COL22A1: variants seen among roughly 807,000 people sequenced by gnomAD.
COL22A1 encodes the protein collagen alpha-1(XXII) chain.
Under a neutral mutation model 248.9 loss-of-function variants are expected in COL22A1, and 221 were observed. The ratio of observed to expected loss-of-function variants is 0.89; its 90% CI spans 0.80 to 0.99. COL22A1 has a LOEUF of 0.99. COL22A1 is among the 50% of genes least tolerant of loss of function. The pLI is 0.00. For missense variants in COL22A1, 2,240 were observed against 2,179.0 expected (o/e 1.03, Z -0.56); for synonymous variants, 891 against 793.4 (o/e 1.12, Z -2.07).
At position 138,870,716 on chromosome 8, in the gene COL22A1, A is replaced by G. The variant is rs117712867; in HGVS notation, c.658+7034T>C. On this transcript the variant is annotated intron_variant, in intron 3 of 64. Transcript: ENST00000303045. ...GTGCATATCTATGTGGCATGTGTGT[A>G]GTATGTGTGGTGTGCATAGTGTTTG... 6.6e-4 allele frequency among the ~76,000 whole-genome samples: 100 copies of G among 150,970 alleles called. 1 individual carries two copies. In the East Asian group the frequency reaches 0.019, roughly 29 times the overall value.
intron 57 of COL22A1, among the ~76,000 whole-genome samples, chr8:138,607,259 A>T (rs1818495850): frequency 6.6e-6 from 1 of 152,210 alleles, no homozygotes; most frequent in Non-Finnish European, 1.5e-5. Flanking sequence ...CACACCTTGC[A>T]GGTGGCCTTC....
In COL22A1 at chr8:138,649,716, C is replaced by G; in HGVS notation, c.3396G>C (p.Gly1132=). ...PGLPGLPGFK[G]DKGVPGKPGR... ...CTGGCTTTCCTGGGACACCTTTGTCCCCTTTAAAACCTGGTAGACCAGGGA... is the reference window on the plus strand; with the variant it reads ...CTGGCTTTCCTGGGACACCTTTGTCGCCTTTAAAACCTGGTAGACCAGGGA... Residue 1132 remains glycine (G), a synonymous_variant, in exon 46 of 65, where the codon GGG becomes GGC. Transcript: ENST00000303045. The G allele has an allele frequency of 1.2e-6, 2 of 1,612,852 alleles. No individual in the cohort carries two copies. Among genetic ancestry groups the G allele is most frequent in the Non-Finnish European group, 1.7e-6 (2 of 1,179,468 alleles).
chr8:138,854,640 G>A (rs1821879940), intron 3 of COL22A1, among the ~76,000 whole-genome samples: 1 of 152,118 alleles, frequency 6.6e-6, no homozygotes, highest in Admixed American at 6.5e-5. Flanking sequence ...GCCCCGAGAG[G>A]AACAACAATC....
intron 54 of COL22A1, 93 bp downstream of exon 54, chr8:138,616,821 A>G: frequency 2.1e-6 from 3 of 1,450,034 alleles, no homozygotes; most frequent in Non-Finnish European, 2.9e-6. Flanking sequence ...CGGGTAAGGC[A>G]CTGCCATGGC....
intron 43 of COL22A1, among the ~76,000 whole-genome samples, chr8:138,661,063 C>G (rs1823908512): frequency 6.9e-6 from 1 of 145,814 alleles, no homozygotes; most frequent in Non-Finnish European, 1.5e-5. Context: ...CGCACACACA[C>G]CCACATACAC....
intron 16 of COL22A1, among the ~76,000 whole-genome samples, chr8:138,769,722 G>A (rs1027810005): frequency 2.6e-5 from 4 of 152,158 alleles, no homozygotes; most frequent in African/African-American, 4.8e-5. Flanking sequence ...AGCACACAGC[G>A]GGTACCCAGT....
At chr8:138,595,114 C>T (rs1380038830) in intron 62 of COL22A1, among the ~76,000 whole-genome samples, 2 of 152,104 alleles carry the variant, frequency 1.3e-5, no homozygotes, top group Non-Finnish European at 2.9e-5. Flanking sequence ...TGGGAGGCTA[C>T]CCAAGGCCCC....
At chr8:138,598,036 C>T (rs988987461) in intron 61 of COL22A1, among the ~76,000 whole-genome samples, 1 of 152,174 alleles carries the variant, frequency 6.6e-6, no homozygotes, top group African/African-American at 2.4e-5. Context: ...CTCCAGAAGA[C>T]CATATGGGCT....
chr8:138,591,407 T>C lies in COL22A1; in HGVS notation c.4693+17A>G. On this transcript the variant is annotated intron_variant, in intron 64 of 64. Transcript: ENST00000303045. ...GTAGCTCACACCCTACCCCTGAGAC[T>C]GCAGAATGAGTCATACCTGGGATTC... 1.3e-6 allele frequency: 2 copies of C among 1,565,872 alleles called. No homozygotes were observed. Among genetic ancestry groups the C allele is most frequent in the Non-Finnish European group, 1.7e-6 (2 of 1,155,176 alleles).
intron 41 of COL22A1, among the ~76,000 whole-genome samples, chr8:138,664,314 A>C (rs764151397): frequency 4.6e-5 from 7 of 151,544 alleles, no homozygotes; most frequent in Non-Finnish European, 8.8e-5. Flanking sequence ...TTCTTTGCCA[A>C]GACAAAATTT....
At chr8:138,676,454 A>AAAGAAAGAAAGAAAGAAAAAGG (rs71582022) in intron 41 of COL22A1, 104 bp downstream of exon 41, 5 of 415,916 alleles carry the variant, frequency 1.2e-5, no homozygotes, top group Non-Finnish European at 2.1e-5. Flanking sequence ...AGAAAGAAAG[A>AAAGAAAGAAAGAAAGAAAAAGG]AAGGAAGAAA....
chr8:138,755,107 G>A (rs906978711), intron 21 of COL22A1, 50 bp downstream of exon 21: 26 of 1,578,520 alleles, frequency 1.6e-5, no homozygotes, highest in African/African-American at 4.1e-5. Flanking sequence ...CAAACCCATT[G>A]GTAAGAGAAG....
intron 62 of COL22A1, among the ~76,000 whole-genome samples, chr8:138,596,423 T>C (rs1341140304): frequency 6.6e-6 from 1 of 152,226 alleles, no homozygotes; most frequent in Non-Finnish European, 1.5e-5. Context: ...ATCCACTCCC[T>C]GGCCTCTGAA....
chr8:138,821,039 G>T, intron 7 of COL22A1, 97 bp downstream of exon 7: 1 of 1,331,444 alleles, frequency 7.5e-7, no homozygotes, highest in Non-Finnish European at 1.0e-6. Context: ...TTGGTACCTG[G>T]TTCATGCAGG....
At chr8:138,680,587 T>C (rs1174566500) in intron 39 of COL22A1, among the ~76,000 whole-genome samples, 1 of 152,096 alleles carries the variant, frequency 6.6e-6, no homozygotes, top group South Asian at 2.1e-4. Context: ...CCTTCCTTGA[T>C]TTCCTAAGGA....
chr8:138,662,649 G>A (rs1265131811), intron 42 of COL22A1, among the ~76,000 whole-genome samples: 1 of 152,090 alleles, frequency 6.6e-6, no homozygotes. Context: ...GGGAATTCCT[G>A]GCAGTTGCTG....
chr8:138,911,114 T>C (rs1364727010), intron 1 of COL22A1, among the ~76,000 whole-genome samples: 1 of 152,238 alleles, frequency 6.6e-6, no homozygotes, highest in Non-Finnish European at 1.5e-5. Context: ...ATCCCATCTG[T>C]CTGAATGCCT....
chr8:138,821,219 G>T lies in COL22A1; in HGVS notation c.1162C>A (p.Leu388Ile), dbSNP rs1239696685. The part of the protein sequence containing the change: ...LHIDCALVQT[L>I]PIEERENIDI... Reference sequence around the variant, plus strand: ...ATGTTCTCCCGTTCCTCGATGGGTAGTGTCTGCACCAGCGCACAGTCAATG... The same window carrying T: ...ATGTTCTCCCGTTCCTCGATGGGTATTGTCTGCACCAGCGCACAGTCAATG... The change falls in exon 7 of 65, where the codon CTA (leucine) becomes ATA (isoleucine). Residue 388 changes from leucine (L) to isoleucine (I), a missense_variant. By Grantham distance (5) the Leu-to-Ile change is conservative. Transcript: ENST00000303045. 1 of 1,614,226 alleles carries T rather than the reference G, an allele frequency of 6.2e-7. No individual in the cohort carries two copies. The highest frequency in any genetic ancestry group is 1.1e-5 in the South Asian group (1 of 91,084).
At chr8:138,859,686 T>C (rs1343745941) in intron 3 of COL22A1, among the ~76,000 whole-genome samples, 1 of 152,112 alleles carries the variant, frequency 6.6e-6, no homozygotes, top group Non-Finnish European at 1.5e-5. Context: ...ACTCTCCTCC[T>C]TCCAGGGCAC....
Sources: gnomAD v4.1 joint callset for allele counts (sites outside exome capture counted in the v4.1 genomes callset) on GRCh38, gnomAD v4.1.1 for gene constraint, MANE v1.5 for transcripts, NCBI Gene and HGNC (gene_info 2026-07-23, HGNC 2026-07-21) for gene names.